The following IGHMBP2 variants were observed in gnomAD, a reference collection of about 807,000 sequenced individuals.
IGHMBP2 encodes DNA-binding protein SMUBP-2.
IGHMBP2 carries 81 observed loss-of-function variants against 96.0 expected under a neutral mutation model. That is an observed-to-expected ratio of 0.84 (90% CI 0.71 to 1.01). The LOEUF (loss-of-function observed/expected upper bound fraction) is 1.01, where lower values mean the gene tolerates loss of function less well. Ranked by LOEUF, IGHMBP2 falls within the 50% of genes least tolerant of loss-of-function variation. The pLI is 0.00. For synonymous variants in IGHMBP2, 557 were observed against 548.9 expected, an observed-to-expected ratio of 1.01 and a Z score of -0.21; for missense variants, 1,227 against 1,306.3, an observed-to-expected ratio of 0.94 and a Z score of 0.94.
chr11:68,918,531 A>T (rs1013809659), intron 7 of IGHMBP2, among the ~76,000 whole-genome samples: 3 of 152,098 alleles, frequency 2.0e-5, no homozygotes, highest in South Asian at 2.1e-4. Flanking sequence ...AATTCCAGCT[A>T]CTTGGGAGGC....
At chr11:68,919,380 C>T (rs1858795370) in intron 7 of IGHMBP2, among the ~76,000 whole-genome samples, 1 of 152,222 alleles carries the variant, frequency 6.6e-6, no homozygotes, top group South Asian at 2.1e-4. Context: ...GGTGATTCTC[C>T]CAGCTCAGCC....
chr11:68,917,796 C>G lies in IGHMBP2; in HGVS notation c.973C>G (p.Leu325Val), dbSNP rs760611895. ...AAGTAATTTTCGAAATGAAATTAAG[C>G]TGTTAAGAAAAGAACTGAAGGAGAG... ...EKSNFRNEIK[L>V]LRKELKEREE... The change falls in exon 7 of 15, where the codon CTG (leucine) becomes GTG (valine). Residue 325 changes from leucine (L) to valine (V), a missense_variant. By Grantham distance (32) the Leu-to-Val change is conservative (BLOSUM62 1). Coordinates refer to ENST00000255078, the MANE Select transcript of IGHMBP2 (RefSeq NM_002180.3). 1 of 1,613,206 alleles carries G rather than the reference C, an allele frequency of 6.2e-7. No homozygotes were observed. Among genetic ancestry groups the G allele is most frequent in the Non-Finnish European group, 8.5e-7 (1 of 1,179,210 alleles).
intron 8 of IGHMBP2, among the ~76,000 whole-genome samples, chr11:68,932,014 G>A (rs187374697): frequency 3.0e-4 from 45 of 149,916 alleles, no homozygotes; most frequent in Admixed American, 1.3e-3. Context: ...GAGAGAGTAG[G>A]ATGGTTTCGG....
intron 5 of IGHMBP2, among the ~76,000 whole-genome samples, chr11:68,913,365 A>G (rs991254740): frequency 5.3e-5 from 8 of 152,100 alleles, no homozygotes; most frequent in African/African-American, 1.9e-4. Context: ...TGGACATGCC[A>G]GTGGGGTTGG....
At chr11:68,910,783 T>C (rs1858397113) in intron 4 of IGHMBP2, among the ~76,000 whole-genome samples, 1 of 151,002 alleles carries the variant, frequency 6.6e-6, no homozygotes, top group Admixed American at 6.6e-5. Flanking sequence ...CTCTGGAGGC[T>C]GAGGCAGGAG....
intron 5 of IGHMBP2, 54 bp downstream of exon 5, chr11:68,911,657 T>C (rs1265051436): frequency 7.1e-6 from 11 of 1,559,994 alleles, no homozygotes; most frequent in Non-Finnish European, 8.8e-6. Context: ...TGGTCTGTTG[T>C]GTTCAGTGGG....
chr11:68,907,218 G>A (rs770647303), intron 2 of IGHMBP2, among the ~76,000 whole-genome samples: 5 of 152,082 alleles, frequency 3.3e-5, no homozygotes, highest in South Asian at 2.1e-4. Flanking sequence ...CTGAAATCAC[G>A]CCACTGCACT....
intron 14 of IGHMBP2, 25 bp from the exon 15 acceptor site, chr11:68,939,509 G>A (rs1303573962): frequency 1.2e-6 from 2 of 1,610,880 alleles, no homozygotes; most frequent in Admixed American, 1.7e-5. Context: ...TGTGAGCCCA[G>A]CAGTGATTCT....
chr11:68,921,844 T>G (rs1357202899), intron 7 of IGHMBP2, among the ~76,000 whole-genome samples: 1 of 152,242 alleles, frequency 6.6e-6, no homozygotes, highest in Non-Finnish European at 1.5e-5. Context: ...TTTGTATGTC[T>G]GAAAATATCT....
rs770866695 is a variant in IGHMBP2, at chr11:68,908,842, GT to G, written c.547+227del. On this transcript the variant is annotated intron_variant, in intron 4 of 14. Coordinates refer to ENST00000255078, the MANE Select transcript of IGHMBP2 (RefSeq NM_002180.3). Reference sequence around the variant, plus strand: ...TAATGAACTGGCTCGTTCCATTGAGGTTTTTTTTTTTTTTTTGAGACAGAAT... The same window carrying G: ...TAATGAACTGGCTCGTTCCATTGAGGTTTTTTTTTTTTTTTGAGACAGAAT... Among the ~76,000 whole-genome samples, 728 of 134,546 alleles carry G rather than the reference GT, an allele frequency of 5.4e-3. 2 individuals carry two copies. Among genetic ancestry groups the G allele is most frequent in the African/African-American group, 0.015 (545 of 36,554 alleles). 88.3% of individuals were successfully genotyped at this position (134,546 alleles called of 152,430 possible). A position where few individuals can be genotyped will look rare whatever the true frequency, so the allele number is the denominator to read the frequency against.
At position 68,933,404 on chromosome 11, in the gene IGHMBP2, T is replaced by C; in HGVS notation, c.1341T>C (p.Ala447=). 1 of 1,613,206 alleles carries C rather than the reference T, an allele frequency of 6.2e-7. No individual in the cohort carries two copies. Among genetic ancestry groups the C allele is most frequent in the African/African-American group, 1.3e-5 (1 of 75,036 alleles). Residue 447 remains alanine (A), a synonymous_variant, in exon 9 of 15, where the codon GCT becomes GCC. Transcript: ENST00000255078. ...CGGTGCAGTACCGCATGCACCAGGCTATCATGCGCTGGGCCTCAGACACCA... is the reference window on the plus strand; with the variant it reads ...CGGTGCAGTACCGCATGCACCAGGCCATCATGCGCTGGGCCTCAGACACCA... The part of the protein sequence containing the change: ...TLTVQYRMHQ[A]IMRWASDTMY...
intron 8 of IGHMBP2, chr11:68,930,058 C>T: frequency 8.6e-7 from 1 of 1,163,626 alleles, no homozygotes; most frequent in Non-Finnish European, 1.1e-6. Flanking sequence ...GCCTGGACCA[C>T]TCCTGCCTGG....
At chr11:68,914,729 T>C in intron 5 of IGHMBP2, 94 bp from the exon 6 acceptor site, 2 of 1,341,462 alleles carry the variant, frequency 1.5e-6, no homozygotes, top group South Asian at 1.2e-5. Context: ...TGCCTTGTGC[T>C]TCTTTCTACC....
At chr11:68,922,683 C>T (rs771407928) in intron 7 of IGHMBP2, among the ~76,000 whole-genome samples, 23 of 152,178 alleles carry the variant, frequency 1.5e-4, no homozygotes, top group Non-Finnish European at 2.6e-4. Context: ...TGTGAGCCAC[C>T]GCACCCGGCC....
Position 68,938,302 on chromosome 11 carries a change from A to T in IGHMBP2, c.2732A>T (p.Gln911Leu). 1 of 1,612,766 alleles carries T rather than the reference A, an allele frequency of 6.2e-7. No individual in the cohort carries two copies. The highest frequency in any genetic ancestry group is 8.5e-7 in the Non-Finnish European group (1 of 1,179,912). ...KCTAGVTTLG[Q>L]FCQLCSRRYC... ...ACAGCCGGCGTCACAACCCTGGGCC[A>T]GTTCTGCCAGCTCTGCAGCCGCCGC... Residue 911 changes from glutamine to leucine, a missense_variant, in exon 14 of 15, where the codon CAG becomes CTG. Coordinates refer to ENST00000255078, the MANE Select transcript of IGHMBP2 (RefSeq NM_002180.3).
intron 4 of IGHMBP2, among the ~76,000 whole-genome samples, chr11:68,910,059 G>A (rs757922465): frequency 2.0e-5 from 3 of 152,156 alleles, no homozygotes; most frequent in African/African-American, 2.4e-5. Context: ...TTTGTAAAGC[G>A]GTGGCTTTGG....
At chr11:68,919,487 C>T (rs1434647188) in intron 7 of IGHMBP2, among the ~76,000 whole-genome samples, 3 of 152,244 alleles carry the variant, frequency 2.0e-5, no homozygotes, top group Non-Finnish European at 4.4e-5. Flanking sequence ...AGGACATACT[C>T]TCATGACTTG....
intron 8 of IGHMBP2, chr11:68,930,060 C>G: frequency 1.7e-6 from 2 of 1,163,476 alleles, no homozygotes; most frequent in African/African-American, 1.6e-5. Flanking sequence ...CTGGACCACT[C>G]CTGCCTGGGT....
At chr11:68,921,114 G>T (rs1858860179) in intron 7 of IGHMBP2, among the ~76,000 whole-genome samples, 1 of 151,024 alleles carries the variant, frequency 6.6e-6, no homozygotes, top group Non-Finnish European at 1.5e-5. Flanking sequence ...CAGTTTGACA[G>T]TTTCTGCCGT....
Sources: allele counts gnomAD v4.1 joint callset (sites outside exome capture counted in the v4.1 genomes callset), GRCh38; gene constraint gnomAD v4.1.1; transcripts MANE v1.5; gene names NCBI Gene and HGNC (gene_info 2026-07-23, HGNC 2026-07-21).